The following MKLN1 variants were observed in gnomAD, a reference collection of about 807,000 sequenced individuals.
The protein encoded by MKLN1 is muskelin 1.
In MKLN1, 18 loss-of-function variants were observed where a neutral mutation model predicts 99.0. That is an observed-to-expected ratio of 0.18 (90% CI 0.13 to 0.27). The LOEUF (loss-of-function observed/expected upper bound fraction) is 0.27, where lower values mean the gene tolerates loss of function less well. Ranked by LOEUF, MKLN1 falls within the 10% of genes least tolerant of loss-of-function variation. The pLI is 1.00. For synonymous variants in MKLN1, 288 were observed against 293.2 expected, an observed-to-expected ratio of 0.98 and a Z score of 0.18; for missense variants, 621 against 875.9, an observed-to-expected ratio of 0.71 and a Z score of 3.67.
intron 3 of MKLN1, among the ~76,000 whole-genome samples, chr7:131,297,252 T>C (rs1216436214): frequency 6.6e-6 from 1 of 151,996 alleles, no homozygotes; most frequent in East Asian, 1.9e-4. Flanking sequence ...TTCCCGCTAC[T>C]TGGGAGGCTG....
intron 12 of MKLN1, among the ~76,000 whole-genome samples, chr7:131,452,585 C>T (rs1372799819): frequency 6.9e-6 from 1 of 144,270 alleles, no homozygotes; most frequent in East Asian, 2.0e-4. Flanking sequence ...GGAGTCCCGC[C>T]CTGTCGCCAG....
At chr7:131,408,671 G>A (rs2116310750) in intron 6 of MKLN1, among the ~76,000 whole-genome samples, 1 of 152,160 alleles carries the variant, frequency 6.6e-6, no homozygotes, top group African/African-American at 2.4e-5. Flanking sequence ...GTGTTGCCCA[G>A]ACTGGTTTTG....
At chr7:131,225,559 C>T (rs1240614385) in intron 3 of MKLN1, among the ~76,000 whole-genome samples, 1 of 152,168 alleles carries the variant, frequency 6.6e-6, no homozygotes, top group Non-Finnish European at 1.5e-5. Flanking sequence ...TAAAAACATT[C>T]ACTTTGGAGC....
At chr7:131,306,646 C>G (rs1361063767) in intron 3 of MKLN1, among the ~76,000 whole-genome samples, 2 of 143,576 alleles carry the variant, frequency 1.4e-5, no homozygotes, top group Admixed American at 1.5e-4. Flanking sequence ...TTCTAAGCAG[C>G]AAAGCACTGA....
chr7:131,327,757 C>G (rs917726766), upstream of MKLN1: 15 of 1,396,506 alleles, frequency 1.1e-5, no homozygotes, highest in African/African-American at 3.0e-5. Context: ...GACATTGGCC[C>G]GGCGCTGGGC....
At position 131,445,765 on chromosome 7, in the gene MKLN1, CT is replaced by C; in HGVS notation, c.1396-4del. 1 of 1,499,504 alleles carries C rather than the reference CT, an allele frequency of 6.7e-7. No homozygotes were observed. Among genetic ancestry groups the C allele is most frequent in the Non-Finnish European group, 8.9e-7 (1 of 1,125,124 alleles). The allele number at this position is 1,499,504 out of a possible 1,614,324, so 92.9% of individuals were successfully genotyped here. Reference sequence around the variant, plus strand: ...TTACTCCTTTCTTTTTTTTTTTCTTCTTTTTCAGAAAAATCGTTGCTTATAT... The same window carrying C: ...TTACTCCTTTCTTTTTTTTTTTCTTCTTTTCAGAAAAATCGTTGCTTATAT... On this transcript the variant is annotated splice_polypyrimidine_tract_variant and splice_region_variant and intron_variant, in intron 11 of 17. Transcript: ENST00000352689.
upstream of MKLN1, among the ~76,000 whole-genome samples, chr7:131,326,512 C>CG (rs1341794027): frequency 6.6e-6 from 1 of 152,014 alleles, no homozygotes; most frequent in Admixed American, 6.5e-5. Flanking sequence ...ACGCAGCTAA[C>CG]TTTTGTATTT....
chr7:131,374,535 C>A (rs879528660), intron 1 of MKLN1, among the ~76,000 whole-genome samples: 7 of 152,118 alleles, frequency 4.6e-5, no homozygotes, highest in Non-Finnish European at 8.8e-5. Context: ...CATTTACCAG[C>A]CATTTACTTA....
chr7:131,302,485 CA>C (rs1285740582), intron 3 of MKLN1, among the ~76,000 whole-genome samples: 1 of 152,176 alleles, frequency 6.6e-6, no homozygotes, highest in Admixed American at 6.5e-5. Context: ...TCACTCTTCC[CA>C]AAAGGCTGTT....
chr7:131,284,333 A>G (rs886809494), intron 3 of MKLN1, among the ~76,000 whole-genome samples: 2 of 152,230 alleles, frequency 1.3e-5, no homozygotes, highest in Non-Finnish European at 2.9e-5. Flanking sequence ...CCCTATTTTC[A>G]TAGATTCTGA....
chr7:131,457,768 T>C lies in MKLN1; in HGVS notation c.1526-5449T>C, dbSNP rs368324661. Among the ~76,000 whole-genome samples, 395 of 152,182 alleles carry C rather than the reference T, an allele frequency of 2.6e-3. 3 individuals carry two copies. Among genetic ancestry groups the C allele is most frequent in the African/African-American group, 9.0e-3 (373 of 41,532 alleles). On this transcript the variant is annotated intron_variant, in intron 12 of 17. Transcript: ENST00000352689. Reference sequence around the variant, plus strand: ...CTGTCTCTACTAAAAATACAAAAATTAGCCAGGCTTGGCGGCGCATGTCTG... The same window carrying C: ...CTGTCTCTACTAAAAATACAAAAATCAGCCAGGCTTGGCGGCGCATGTCTG...
chr7:131,464,085 G>A (rs1346147593), intron 13 of MKLN1, among the ~76,000 whole-genome samples: 1 of 152,156 alleles, frequency 6.6e-6, no homozygotes, highest in Admixed American at 6.5e-5. Flanking sequence ...AGTAGGATAT[G>A]TGAGCTATTT....
At chr7:131,328,209 G>C (rs1472269789) in intron 1 of MKLN1, 1 of 596,350 alleles carries the variant, frequency 1.7e-6, no homozygotes, top group Admixed American at 3.1e-5. Context: ...CCAGGGAGAA[G>C]GGGCGAGGTG....
chr7:131,481,717 G>C (rs1308488652), intron 17 of MKLN1, among the ~76,000 whole-genome samples: 1 of 150,534 alleles, frequency 6.6e-6, no homozygotes, highest in African/African-American at 2.4e-5. Flanking sequence ...TTTTCTGTCA[G>C]ACTGTTCTAT....
chr7:131,465,730 G>A (rs1449605260), intron 14 of MKLN1, among the ~76,000 whole-genome samples: 4 of 151,926 alleles, frequency 2.6e-5, no homozygotes, highest in Admixed American at 6.6e-5. Flanking sequence ...TAGTAGAGAC[G>A]GGGTTTCACA....
chr7:131,111,465 C>G lies in MKLN1; in HGVS notation c.-419+1258C>G, dbSNP rs190023939. ...TCAGTTCACTTCCTGTTTCTCAGAA[C>G]TGGTTTATATTTGGTCTCGTAGCAC... On this transcript the variant is annotated intron_variant, in intron 1 of 7. Transcript: ENST00000416992. Among the ~76,000 whole-genome samples, 26 of 152,300 alleles carry G rather than the reference C, an allele frequency of 1.7e-4. No individual in the cohort carries two copies. In the East Asian group the frequency reaches 3.3e-3, roughly 19 times the overall value.
At chr7:131,265,132 G>A (rs767347584) in intron 3 of MKLN1, among the ~76,000 whole-genome samples, 3 of 152,004 alleles carry the variant, frequency 2.0e-5, no homozygotes, top group Admixed American at 6.6e-5. Context: ...GAGCCACCGC[G>A]CCTGTCCTGT....
In MKLN1 at chr7:131,186,608, G is replaced by A. The variant is rs191959172; in HGVS notation, c.-296-16249G>A. Among the ~76,000 whole-genome samples, 41 of 152,264 alleles carry A rather than the reference G, an allele frequency of 2.7e-4. 1 individual carries two copies. Among genetic ancestry groups the A allele is most frequent in the African/African-American group, 8.7e-4 (36 of 41,548 alleles). ...GGTTCCCTCAGTGGGCTTACGGTCT[G>A]TTTTATTACTTTACTGTCACTGTTT... is the stretch of plus-strand genomic sequence containing the variant. On this transcript the variant is annotated intron_variant, in intron 2 of 7. Transcript: ENST00000416992.
intron 3 of MKLN1, among the ~76,000 whole-genome samples, chr7:131,320,725 A>T (rs1798759367): frequency 6.6e-6 from 1 of 152,130 alleles, no homozygotes; most frequent in African/African-American, 2.4e-5. Context: ...ACTTAAACAA[A>T]TTTTCAAGAA....
Sources: allele counts gnomAD v4.1 joint callset (sites outside exome capture counted in the v4.1 genomes callset), GRCh38; gene constraint gnomAD v4.1.1; transcripts MANE v1.5; gene names NCBI Gene and HGNC (gene_info 2026-07-23, HGNC 2026-07-21).